DOCK9: variants seen among roughly 807,000 people sequenced by gnomAD.
The protein encoded by DOCK9 is dedicator of cytokinesis 9, also known as dedicator of cytokinesis protein 9.
DOCK9 carries 89 observed loss-of-function variants against 263.3 expected under a neutral mutation model. The observed-to-expected ratio is 0.34, with a 90% CI of 0.28 to 0.40. The LOEUF (loss-of-function observed/expected upper bound fraction) is 0.40. DOCK9 is among the 10% of genes least tolerant of loss of function. The pLI is 1.00. For missense variants in DOCK9, 2,140 were observed against 2,603.4 expected (o/e 0.82, Z 3.87); for synonymous variants, 976 against 973.1 (o/e 1.00, Z -0.06).
At chr13:99,013,512 T>C (rs1884877987) in intron 1 of DOCK9, among the ~76,000 whole-genome samples, 1 of 152,190 alleles carries the variant, frequency 6.6e-6, no homozygotes, top group Non-Finnish European at 1.5e-5. Context: ...GGACAAAGAA[T>C]ACGTCAGGTG....
In DOCK9 at chr13:98,853,492, C is replaced by G. The variant is rs369442011; in HGVS notation, c.3862G>C (p.Val1288Leu). The G allele has an allele frequency of 2.5e-6, 4 of 1,613,432 alleles. No homozygotes were observed. The highest frequency in any genetic ancestry group is 3.4e-6 in the Non-Finnish European group (4 of 1,179,686). The stretch of plus-strand genomic sequence containing the variant: ...TGGTCAAGTTTATCACAGCGAACCA[C>G]GGAATTTCCCAATGTGCTACTTTGT... Reference protein sequence around the residue: ...HQQSSTLGNSVVRCDKLDQSE... With the variant: ...HQQSSTLGNSLVRCDKLDQSE... The change falls in exon 35 of 53, where the codon GTG becomes CTG. Residue 1288 changes from valine (V) to leucine (L), a missense_variant. Coordinates refer to ENST00000682017, the MANE Select transcript of DOCK9 (RefSeq NM_001366683.2).
intron 1 of DOCK9, among the ~76,000 whole-genome samples, chr13:99,056,684 G>T (rs1407735623): frequency 6.6e-6 from 1 of 152,106 alleles, no homozygotes; most frequent in Non-Finnish European, 1.5e-5. Flanking sequence ...CACCTGCTGG[G>T]GTGGCTGCCC....
intron 39 of DOCK9, among the ~76,000 whole-genome samples, chr13:98,832,298 G>A (rs2092796222): frequency 6.6e-6 from 1 of 152,142 alleles, no homozygotes; most frequent in African/African-American, 2.4e-5. Context: ...ACAGGCTTTG[G>A]TCAGGTACCA....
intron 1 of DOCK9, among the ~76,000 whole-genome samples, chr13:99,078,656 A>G (rs1180594714): frequency 6.6e-6 from 1 of 152,114 alleles, no homozygotes; most frequent in African/African-American, 2.4e-5. Flanking sequence ...GCATCTCAGA[A>G]ACTCCCAGCC....
At chr13:98,860,071 T>TC in intron 33 of DOCK9, 1 of 569,218 alleles carries the variant, frequency 1.8e-6, no homozygotes, top group Non-Finnish European at 2.4e-6. Flanking sequence ...AGTGTTCCCC[T>TC]CCCCCCACCA....
intron 38 of DOCK9, among the ~76,000 whole-genome samples, chr13:98,839,181 A>T (rs2093119836): frequency 6.6e-6 from 1 of 152,250 alleles, no homozygotes; most frequent in Non-Finnish European, 1.5e-5. Context: ...TCCACTCTGC[A>T]GCACAGCCAA....
chr13:99,001,104 G>C (rs1016664231), intron 1 of DOCK9, among the ~76,000 whole-genome samples: 6 of 152,214 alleles, frequency 3.9e-5, no homozygotes, highest in African/African-American at 1.4e-4. Flanking sequence ...AGCTGTGAAA[G>C]ATGAAGACTA....
chr13:98,905,318 C>T (rs1280932766), intron 9 of DOCK9, among the ~76,000 whole-genome samples: 1 of 152,128 alleles, frequency 6.6e-6, no homozygotes, highest in Non-Finnish European at 1.5e-5. Context: ...GAAGGAAGTC[C>T]CTAGTCCCAA....
At chr13:98,884,155 T>C (rs1448241928) in intron 21 of DOCK9, among the ~76,000 whole-genome samples, 1 of 152,242 alleles carries the variant, frequency 6.6e-6, no homozygotes, top group Non-Finnish European at 1.5e-5. Flanking sequence ...TGAGTTATTG[T>C]TCATTTGAGA....
chr13:98,982,079 GT>G (rs1388751831), upstream of DOCK9, among the ~76,000 whole-genome samples: 4 of 152,174 alleles, frequency 2.6e-5, no homozygotes, highest in Non-Finnish European at 5.9e-5. Flanking sequence ...TGTTAAAAAT[GT>G]TGTAAACCCT....
At chr13:98,934,988 G>A (rs2054582811) in intron 2 of DOCK9, among the ~76,000 whole-genome samples, 1 of 152,202 alleles carries the variant, frequency 6.6e-6, no homozygotes, top group African/African-American at 2.4e-5. Flanking sequence ...AGAGGACGAT[G>A]AGGAAATAAT....
At chr13:98,921,916 G>A in intron 6 of DOCK9, 135 bp downstream of exon 6, 1 of 769,344 alleles carries the variant, frequency 1.3e-6, no homozygotes, top group Admixed American at 2.3e-5. Flanking sequence ...CTATCACCAG[G>A]GGAGCATCCT....
intron 1 of DOCK9, among the ~76,000 whole-genome samples, chr13:99,007,280 C>T (rs551978495): frequency 7.5e-4 from 114 of 151,938 alleles, no homozygotes; most frequent in Middle Eastern, 6.8e-3. Context: ...CCCAGCTACT[C>T]GGGAGGCTGA....
chr13:99,021,801 G>A (rs907443651), intron 1 of DOCK9, among the ~76,000 whole-genome samples: 1 of 152,030 alleles, frequency 6.6e-6, no homozygotes, highest in Non-Finnish European at 1.5e-5. Context: ...GTTGAACACC[G>A]GGGCCTGTCA....
Position 98,810,306 on chromosome 13 carries a change from G to A in DOCK9, c.5131-15C>T. 1 of 1,612,614 alleles carries A rather than the reference G, an allele frequency of 6.2e-7. No individual in the cohort carries two copies. The highest frequency in any genetic ancestry group is 8.5e-7 in the Non-Finnish European group (1 of 1,179,828). On this transcript the variant is annotated splice_polypyrimidine_tract_variant and intron_variant, in intron 45 of 52. Transcript: ENST00000682017. ...ATCAGCACATCCTGATCAAAGAGGA[G>A]GGCCAACAGCAAGAGAAGAGCGTTA...
intron 24 of DOCK9, 93 bp from the exon 25 acceptor site, chr13:98,881,720 T>C: frequency 2.9e-6 from 4 of 1,364,274 alleles, no homozygotes; most frequent in Admixed American, 4.0e-5. Context: ...GATGATGCTA[T>C]CAGCACTTAG....
At chr13:99,017,963 TATC>T (rs763427191) in intron 1 of DOCK9, among the ~76,000 whole-genome samples, 2 of 152,184 alleles carry the variant, frequency 1.3e-5, no homozygotes, top group Non-Finnish European at 2.9e-5. Context: ...TCACAACATA[TATC>T]ATCATATTGT....
chr13:98,829,506 G>C lies in DOCK9; in HGVS notation c.4766C>G (p.Ser1589Cys), dbSNP rs780909038. Residue 1589 changes from serine to cysteine, a missense_variant, in exon 43 of 53, where the codon TCT becomes TGT. This residue lies in a region of DOCK9 where 619 missense variants were observed against 861.8 expected (regional missense o/e 0.72). Coordinates refer to ENST00000682017, the MANE Select transcript of DOCK9 (RefSeq NM_001366683.2). This position sits in a 1 kb window ranked among gnomAD's most constrained non-coding sequence, Gnocchi z 4.1. ...CCTTTTGGTTAAGTCCTTCACATCA[G>C]AGGAGAAGCTGGTGTGCTAAAACAA... ...DRLIKHTSFSSDVKDLTKRIR... is the reference protein window; with the variant it reads ...DRLIKHTSFSCDVKDLTKRIR... 1.2e-6 allele frequency: 2 copies of C among 1,613,332 alleles called. No homozygotes were observed. The highest frequency in any genetic ancestry group is 1.7e-6 in the Non-Finnish European group (2 of 1,179,658).
chr13:99,071,950 G>A (rs1455903046), intron 1 of DOCK9, among the ~76,000 whole-genome samples: 1 of 152,180 alleles, frequency 6.6e-6, no homozygotes, highest in Non-Finnish European at 1.5e-5. Flanking sequence ...TAGTTTCCAT[G>A]AGACCTCTTC....
Sources: gnomAD v4.1 joint callset for allele counts (sites outside exome capture counted in the v4.1 genomes callset) on GRCh38, gnomAD v4.1.1 for gene constraint, gnomAD v4.1.1 regional missense constraint, Gnocchi (gnomAD v3.1) non-coding constraint, MANE v1.5 for transcripts, NCBI Gene and HGNC (gene_info 2026-07-23, HGNC 2026-07-21) for gene names.